The following MYBBP1A variants were observed in gnomAD, a reference collection of about 807,000 sequenced individuals.
The protein encoded by MYBBP1A is MYB binding protein 1a.
In MYBBP1A, 147 loss-of-function variants were observed where a neutral mutation model predicts 136.3. The ratio of observed to expected loss-of-function variants is 1.08; its 90% CI spans 0.94 to 1.24. The LOEUF is 1.24. Ranked by LOEUF, MYBBP1A falls within the 50% of genes most tolerant of loss-of-function variation. MYBBP1A has a pLI of 0.00. For synonymous variants in MYBBP1A, 947 were observed against 735.8 expected (o/e 1.29, Z -4.65); for missense variants, 2,060 against 1,727.4 (o/e 1.19, Z -3.41).
chr17:4,543,156 C>CA lies in MYBBP1A; in HGVS notation c.2648dup (p.Cys884ValfsTer12). 6.2e-7 allele frequency: 1 copy of CA among 1,605,128 alleles called. No individual in the cohort carries two copies. The highest frequency in any genetic ancestry group is 8.5e-7 in the Non-Finnish European group (1 of 1,175,866). On this transcript the variant is annotated frameshift_variant, in exon 20 of 26. Transcript: ENST00000254718. LOFTEE classifies it high-confidence loss of function. ...CGTGGCAGTAGCGCCGGGCACGGCACAGGTGGTGCCTGTGGGTGGTGAGGA... is the reference window on the plus strand; with the variant it reads ...CGTGGCAGTAGCGCCGGGCACGGCACAAGGTGGTGCCTGTGGGTGGTGAGGA...
rs1906090425 is a variant in MYBBP1A at position 4,539,161 on chromosome 17, G to A, written c.*254C>T. 2 of 1,462,678 alleles carry A rather than the reference G, an allele frequency of 1.4e-6. No homozygotes were observed. The highest frequency in any genetic ancestry group is 2.7e-5 in the Admixed American group (1 of 36,988). 90.6% of individuals were successfully genotyped at this position (1,462,678 alleles called of 1,614,324 possible). Reference sequence around the variant, plus strand: ...CAACCCAGGCAAACACCAGAGCCCTGGACATGGCCCTGGAGCCAGGGTCCC... The same window carrying A: ...CAACCCAGGCAAACACCAGAGCCCTAGACATGGCCCTGGAGCCAGGGTCCC... On this transcript the variant is annotated 3_prime_UTR_variant, in exon 26 of 26. Coordinates refer to ENST00000254718, the MANE Select transcript of MYBBP1A (RefSeq NM_014520.4).
In MYBBP1A at chr17:4,552,636, G is replaced by A; in HGVS notation, c.562-10C>T. 1 of 1,609,156 alleles carries A rather than the reference G, an allele frequency of 6.2e-7. No individual in the cohort carries two copies. The highest frequency in any genetic ancestry group is 8.5e-7 in the Non-Finnish European group (1 of 1,176,726). On this transcript the variant is annotated splice_polypyrimidine_tract_variant and intron_variant, in intron 5 of 25. Coordinates refer to ENST00000254718, the MANE Select transcript of MYBBP1A (RefSeq NM_014520.4). This position sits in a 1 kb window ranked among gnomAD's most constrained non-coding sequence, Gnocchi z 4.7. ...ATGTGGCCTTCGAGACCTAAGGATGGAGGGAGAAGAAATCGTGACTTCCTC... is the reference window on the plus strand; with the variant it reads ...ATGTGGCCTTCGAGACCTAAGGATGAAGGGAGAAGAAATCGTGACTTCCTC...
In MYBBP1A at chr17:4,551,867, G is replaced by A. The variant is rs76953250; in HGVS notation, c.1023+13C>T. 35,471 of 1,607,110 alleles carry A rather than the reference G, an allele frequency of 0.022. 540 individuals are homozygous for A. Among genetic ancestry groups the A allele is most frequent in the East Asian group, 0.069 (3,115 of 44,836 alleles). ...CCTTTCTGGCAGTGTCGAGCTGCAC[G>A]GGCATTACCCACCTTAGCAGTGCAC... On this transcript the variant is annotated intron_variant, in intron 8 of 25. Transcript: ENST00000254718.
Position 4,545,107 on chromosome 17 carries a change from G to A in MYBBP1A, c.2229C>T (p.Ser743=), listed in dbSNP as rs778104475. The change falls in exon 17 of 26, where the codon AGC becomes AGT. Residue 743 remains serine, a synonymous_variant. Transcript: ENST00000254718. ...CGTCCCCGTCGCGCTCCTCCTCCTCGCTCTCCTCCCCCTCGCTCTCCTCTT... is the reference window on the plus strand; with the variant it reads ...CGTCCCCGTCGCGCTCCTCCTCCTCACTCTCCTCCCCCTCGCTCTCCTCTT... ...ESEEESEGEE[S]EEEERDGDVD... 6.9e-5 allele frequency: 110 copies of A among 1,603,714 alleles called. No individual in the cohort carries two copies. Among genetic ancestry groups the A allele is most frequent in the Middle Eastern group, 3.3e-4 (2 of 6,062 alleles).
Position 4,544,611 on chromosome 17 carries a change from C to T in MYBBP1A, c.2517G>A (p.Gln839=). ...GCTCCAGGACCAGGGCATTCTCGGG[C>T]TGCTTGGTCACTAGCACCTCCACCA... ...LDLVEVLVTK[Q]PENALVLELL... The change falls in exon 19 of 26, where the codon CAG becomes CAA. Residue 839 remains glutamine (Q), a synonymous_variant. Coordinates refer to ENST00000254718, the MANE Select transcript of MYBBP1A (RefSeq NM_014520.4). 2 of 1,588,886 alleles carry T rather than the reference C, an allele frequency of 1.3e-6. No individual in the cohort carries two copies. Among genetic ancestry groups the T allele is most frequent in the African/African-American group, 2.7e-5 (2 of 73,868 alleles).
chr17:4,539,926 C>T lies in MYBBP1A; in HGVS notation c.3476G>A (p.Ser1159Asn), dbSNP rs1055632526. The T allele has an allele frequency of 6.3e-7, 1 of 1,599,722 alleles. No homozygotes were observed. Among genetic ancestry groups the T allele is most frequent in the Non-Finnish European group, 8.5e-7 (1 of 1,179,924 alleles). Reference sequence around the variant, plus strand: ...CTTACTGATGGGGCTCTGGGTGGCACTGGGGATCTCCTTGGCATCCTTCTT... The same window carrying T: ...CTTACTGATGGGGCTCTGGGTGGCATTGGGGATCTCCTTGGCATCCTTCTT... ...LEKKDAKEIPSATQSPISKKR... is the reference protein window; with the variant it reads ...LEKKDAKEIPNATQSPISKKR... The change falls in exon 26 of 26, where the codon AGT becomes AAT. Residue 1159 changes from serine to asparagine, a missense_variant. Physicochemically the swap from Ser to Asn is conservative, Grantham distance 46. Transcript: ENST00000254718.
At chr17:4,543,842 C>G (rs1906693393) in intron 19 of MYBBP1A, among the ~76,000 whole-genome samples, 1 of 151,986 alleles carries the variant, frequency 6.6e-6, no homozygotes, top group Non-Finnish European at 1.5e-5. Context: ...AAACCCTTCT[C>G]CACGCTGCCA....
chr17:4,554,114 C>G (rs774499668), intron 3 of MYBBP1A, 21 bp from the exon 4 acceptor site: 4 of 1,613,810 alleles, frequency 2.5e-6, no homozygotes, highest in Non-Finnish European at 3.4e-6. Flanking sequence ...ATTCCAGGCA[C>G]AGGCATGAGG....
chr17:4,545,766 A>T lies in MYBBP1A; in HGVS notation c.1922-5T>A. Reference sequence around the variant, plus strand: ...CCCACGGGGGTTCCTGGGGGTCTGCAAGAGGGAGGGGTTGAGCCCGGATAG... The same window carrying T: ...CCCACGGGGGTTCCTGGGGGTCTGCTAGAGGGAGGGGTTGAGCCCGGATAG... On this transcript the variant is annotated splice_polypyrimidine_tract_variant and splice_region_variant and intron_variant, in intron 14 of 25. Transcript: ENST00000254718. The T allele has an allele frequency of 6.2e-7, 1 of 1,606,234 alleles. No individual in the cohort carries two copies. Among genetic ancestry groups the T allele is most frequent in the Non-Finnish European group, 8.5e-7 (1 of 1,175,344 alleles).
intron 19 of MYBBP1A, among the ~76,000 whole-genome samples, chr17:4,543,693 C>G (rs1336873842): frequency 1.3e-5 from 2 of 148,580 alleles, no homozygotes; most frequent in Non-Finnish European, 2.9e-5. Context: ...CCTGACTATC[C>G]ACGCAGCGCC....
rs180813012 is a variant in MYBBP1A, at chr17:4,540,125, G to A, written c.3435-158C>T. Among the ~76,000 whole-genome samples the A allele has an allele frequency of 7.1e-3, 1,066 of 149,542 alleles. 16 individuals carry two copies. Among genetic ancestry groups the A allele is most frequent in the African/African-American group, 0.025 (991 of 39,134 alleles). ...CGTGAGGGTCCTATGAGGGTCCTGCGAGGCCCCTGGGTCCTGCGAGGGTCC... is the reference window on the plus strand; with the variant it reads ...CGTGAGGGTCCTATGAGGGTCCTGCAAGGCCCCTGGGTCCTGCGAGGGTCC... On this transcript the variant is annotated intron_variant, in intron 25 of 25. Coordinates refer to ENST00000254718, the MANE Select transcript of MYBBP1A (RefSeq NM_014520.4).
At chr17:4,545,452 TAGGAGAGGCGGCC>T (rs1373350992) in intron 15 of MYBBP1A, 107 bp from the exon 16 acceptor site, 14 of 1,529,774 alleles carry the variant, frequency 9.2e-6, no homozygotes, top group Non-Finnish European at 1.2e-5. Context: ...AAACGGAGCC[TAGGAGAGGCGGCC>T]AGGCCAGGCC....
chr17:4,550,192 C>A lies in MYBBP1A; in HGVS notation c.1185G>T (p.Val395=). The part of the protein sequence containing the change: ...LPVTPTFWRV[V]RFLSPPALQG... The stretch of plus-strand genomic sequence containing the variant: ...GCAGGGCCGGAGGGCTCAGGAACCG[C>A]ACGACCCGCCAGAAAGTAGGCGTGA... Residue 395 remains valine, a synonymous_variant, in exon 9 of 26, where the codon GTG becomes GTT. Coordinates refer to ENST00000254718, the MANE Select transcript of MYBBP1A (RefSeq NM_014520.4). 1.2e-6 allele frequency: 2 copies of A among 1,613,882 alleles called. No individual in the cohort carries two copies. The highest frequency in any genetic ancestry group is 1.7e-6 in the Non-Finnish European group (2 of 1,180,040).
Position 4,544,638 on chromosome 17 carries a change from G to A in MYBBP1A, c.2490C>T (p.Asp830=). 6.3e-7 allele frequency: 1 copy of A among 1,585,134 alleles called. No individual in the cohort carries two copies. The highest frequency in any genetic ancestry group is 8.6e-7 in the Non-Finnish European group (1 of 1,164,198). The change falls in exon 19 of 26, where the codon GAC becomes GAT. Residue 830 remains aspartate, a synonymous_variant. Transcript: ENST00000254718. ...LRRDFQIRVL[D]LVEVLVTKQP... ...GCTTGGTCACTAGCACCTCCACCAG[G>A]TCCAGCACCTGCAGCCAGGAGGGCA...
At chr17:4,546,714 GTGCGCA>G (rs1464302468) in intron 13 of MYBBP1A, among the ~76,000 whole-genome samples, 4 of 152,238 alleles carry the variant, frequency 2.6e-5, no homozygotes, top group Non-Finnish European at 5.9e-5. Flanking sequence ...GTGGCGTGGT[GTGCGCA>G]TGTGCGTGTG....
intron 15 of MYBBP1A, 107 bp downstream of exon 15, chr17:4,545,503 G>A (rs1213031721): frequency 6.7e-7 from 1 of 1,499,104 alleles, no homozygotes; most frequent in Non-Finnish European, 8.9e-7. Context: ...CCTCCCACCG[G>A]CCGCAGGCTC....
rs770801821 is a variant in MYBBP1A at position 4,548,634 on chromosome 17, G to C, written c.1446C>G (p.His482Gln). 1.2e-6 allele frequency: 2 copies of C among 1,614,208 alleles called. No individual in the cohort carries two copies. The highest frequency in any genetic ancestry group is 1.7e-6 in the Non-Finnish European group (2 of 1,180,038). ...TGGGCTTCTTTGTGACAAAGAACGA[G>C]TGGAACAAACAAAACCTGGGGAGGG... is the stretch of plus-strand genomic sequence containing the variant. ...TEQVARFCLF[H>Q]SFFVTKKPTS... The change falls in exon 11 of 26, where the codon CAC becomes CAG. Residue 482 changes from histidine to glutamine, a missense_variant. By Grantham distance (24) the His-to-Gln change is conservative. Coordinates refer to ENST00000254718, the MANE Select transcript of MYBBP1A (RefSeq NM_014520.4). This position sits in a 1 kb window ranked among gnomAD's most constrained non-coding sequence, Gnocchi z 4.2.
rs745832978 is a variant in MYBBP1A at position 4,542,969 on chromosome 17, T to A, written c.2836A>T (p.Thr946Ser). The change falls in exon 20 of 26, where the codon ACA becomes TCA. Residue 946 changes from threonine (T) to serine (S), a missense_variant. Thr to Ser is a moderately conservative substitution (Grantham distance 58, BLOSUM62 1). Coordinates refer to ENST00000254718, the MANE Select transcript of MYBBP1A (RefSeq NM_014520.4). ...GNTAEGCVHE[T>S]QEKQKAGTDP... ...GTGCCAGCTTTCTGCTTCTCCTGTG[T>A]CTCATGCACGCAGCCCTCAGCAGTG... The A allele has an allele frequency of 6.2e-7, 1 of 1,614,018 alleles. No homozygotes were observed. The highest frequency in any genetic ancestry group is 1.1e-5 in the South Asian group (1 of 91,084).
In MYBBP1A at chr17:4,545,600, C is replaced by T. The variant is rs1906931385; in HGVS notation, c.2073+10G>A. On this transcript the variant is annotated intron_variant, in intron 15 of 25. Transcript: ENST00000254718. ...CAGCCCACATTCCACTCCCAAAGGT[C>T]CCAACTCACATCCAGAATTAGCTGC... The T allele has an allele frequency of 3.8e-6, 6 of 1,572,856 alleles. No homozygotes were observed. The highest frequency in any genetic ancestry group is 5.2e-6 in the Non-Finnish European group (6 of 1,155,636).
Sources: allele counts gnomAD v4.1 joint callset (sites outside exome capture counted in the v4.1 genomes callset), GRCh38; gene constraint gnomAD v4.1.1; non-coding constraint Gnocchi (gnomAD v3.1); transcripts MANE v1.5; gene names NCBI Gene and HGNC (gene_info 2026-07-23, HGNC 2026-07-21).